Variants in DEK observed in about 807,000 individuals in gnomAD.
DEK encodes the protein protein DEK.
A neutral mutation model predicts 46.8 loss-of-function variants in DEK; 28 were observed. The ratio of observed to expected loss-of-function variants is 0.60; its 90% confidence interval spans 0.44 to 0.82. The LOEUF (loss-of-function observed/expected upper bound fraction) is 0.82, where lower values mean the gene tolerates loss of function less well. Ranked by LOEUF, DEK falls within the 40% of genes least tolerant of loss-of-function variation. DEK has a pLI of 0.00. For missense variants in DEK, 416 were observed against 430.6 expected (o/e 0.97, Z 0.30); for synonymous variants, 160 against 144.5 (o/e 1.11, Z -0.77).
chr6:18,225,131 T>TA lies in DEK; in HGVS notation c.*587dup. 4.6e-6 allele frequency: 1 copy of TA among 217,830 alleles called. No homozygotes were observed. The highest frequency in any genetic ancestry group is 9.2e-6 in the Non-Finnish European group (1 of 108,212). The allele number at this position is 217,830 out of a possible 1,614,324, so 13.5% of individuals were successfully genotyped here. On this transcript the variant is annotated 3_prime_UTR_variant, in exon 11 of 11. Transcript: ENST00000652689. ...ACTTTATATACAACCAATTGTTTTTTAAAAATACAAAAATAACATCTGTCA... is the reference window on the plus strand; with the variant it reads ...ACTTTATATACAACCAATTGTTTTTTAAAAAATACAAAAATAACATCTGTCA...
rs778671273 is a variant in DEK at position 18,249,772 on chromosome 6, G to A, written c.641C>T (p.Ala214Val). The A allele has an allele frequency of 6.2e-7, 1 of 1,613,408 alleles. No individual in the cohort carries two copies. Among genetic ancestry groups the A allele is most frequent in the Admixed American group, 1.7e-5 (1 of 59,920 alleles). Residue 214 changes from alanine (A) to valine (V), a missense_variant, in exon 7 of 11, where the codon GCA becomes GTA. Physicochemically the swap from Ala to Val is moderately conservative, Grantham distance 64. Transcript: ENST00000652689. Reference sequence around the variant, plus strand: ...ACATTTGGTTCGCTTAGCCTTCCTTGCCATTCCAGAACTGTTCCGTTCCTT... The same window carrying A: ...ACATTTGGTTCGCTTAGCCTTCCTTACCATTCCAGAACTGTTCCGTTCCTT... ...SKKERNSSGMARKAKRTKCPE... is the reference protein window; with the variant it reads ...SKKERNSSGMVRKAKRTKCPE...
At chr6:18,252,549 G>C (rs1474458399) in intron 6 of DEK, among the ~76,000 whole-genome samples, 2 of 143,502 alleles carry the variant, frequency 1.4e-5, no homozygotes, top group Non-Finnish European at 3.0e-5. Flanking sequence ...AATAGCCTGA[G>C]CTCGATACTA....
chr6:18,243,069 G>C (rs1441244133), intron 7 of DEK, among the ~76,000 whole-genome samples: 1 of 152,094 alleles, frequency 6.6e-6, no homozygotes, highest in Non-Finnish European at 1.5e-5. Context: ...CATACACTGG[G>C]GGTCTTGAAA....
chr6:18,227,258 T>C (rs1434123502), intron 9 of DEK, among the ~76,000 whole-genome samples: 1 of 152,034 alleles, frequency 6.6e-6, no homozygotes, highest in Non-Finnish European at 1.5e-5. Context: ...CCCTGGGCAA[T>C]GGAATGTCTC....
Position 18,258,009 on chromosome 6 carries a change from TCTTA to T in DEK, c.297_300del (p.Ser99ArgfsTer24). The T allele has an allele frequency of 1.2e-6, 2 of 1,606,904 alleles. No homozygotes were observed. Among genetic ancestry groups the T allele is most frequent in the Non-Finnish European group, 1.7e-6 (2 of 1,176,856 alleles). On this transcript the variant is annotated frameshift_variant, in exon 4 of 11. Transcript: ENST00000652689. LOFTEE classifies it high-confidence loss of function. ...AGATTTCTAAGTTCATCGGTTTTCT[TCTTA>T]CTTAGAAAAAAATGTATCCTCTCAA... is the stretch of plus-strand genomic sequence containing the variant.
intron 7 of DEK, among the ~76,000 whole-genome samples, chr6:18,249,376 C>A (rs1791264592): frequency 6.6e-6 from 1 of 152,170 alleles, no homozygotes; most frequent in Non-Finnish European, 1.5e-5. Context: ...TTCCGCTTCC[C>A]TTCCCATTTA....
At chr6:18,254,336 AACAGTAAC>A in intron 6 of DEK, among the ~76,000 whole-genome samples, 1 of 151,362 alleles carries the variant, frequency 6.6e-6, no homozygotes, top group South Asian at 2.1e-4. Flanking sequence ...GTCTCAAAAC[AACAGTAAC>A]AACAACAGTA....
rs113981105 is a variant in DEK, at chr6:18,236,983, C to A, written c.899-383G>T. ...GGTCCAAGCCTGTAAACCCAGTGCT[C>A]TGGGGGGCCAAGATAGGAGACTCGC... On this transcript the variant is annotated intron_variant, in intron 8 of 10. Transcript: ENST00000652689. 1.0e-3 allele frequency: 196 copies of A among 190,392 alleles called. 1 individual carries two copies. The highest frequency in any genetic ancestry group is 4.3e-3 in the African/African-American group (183 of 42,618). The allele number at this position is 190,392 out of a possible 1,614,324, so 11.8% of individuals were successfully genotyped here.
chr6:18,258,152 AT>A, intron 3 of DEK, 90 bp from the exon 4 acceptor site: 1 of 1,111,862 alleles, frequency 9.0e-7, no homozygotes, highest in Non-Finnish European at 1.3e-6. Flanking sequence ...TCACAGCATA[AT>A]TTACATGTAA....
At chr6:18,231,500 TCAAA>T (rs1443464821) in intron 9 of DEK, among the ~76,000 whole-genome samples, 3 of 149,976 alleles carry the variant, frequency 2.0e-5, no homozygotes, top group Non-Finnish European at 4.4e-5. Context: ...GAGAGAAGAA[TCAAA>T]CAGACGAAAT....
intron 9 of DEK, among the ~76,000 whole-genome samples, chr6:18,227,644 G>A (rs536537345): frequency 3.9e-5 from 6 of 151,984 alleles, no homozygotes; most frequent in Admixed American, 6.5e-5. Context: ...TAAGTCTCTC[G>A]TTTCACCTAA....
chr6:18,254,350 C>CA (rs1791515306), intron 6 of DEK, among the ~76,000 whole-genome samples: 2 of 152,018 alleles, frequency 1.3e-5, no homozygotes, highest in African/African-American at 2.4e-5. Flanking sequence ...GTAACAACAA[C>CA]AGTAACAACA....
intron 7 of DEK, among the ~76,000 whole-genome samples, chr6:18,239,996 A>G (rs1413793666): frequency 6.6e-6 from 1 of 152,178 alleles, no homozygotes; most frequent in Non-Finnish European, 1.5e-5. Flanking sequence ...TTGAAGGTTG[A>G]GCAAAAGAAA....
rs1430025044 is a variant in DEK, at chr6:18,258,352, T to C, written c.199A>G (p.Thr67Ala). The C allele has an allele frequency of 6.2e-7, 1 of 1,613,596 alleles. No individual in the cohort carries two copies. The highest frequency in any genetic ancestry group is 1.7e-5 in the Admixed American group (1 of 59,986). The change falls in exon 3 of 11, where the codon ACA (threonine) becomes GCA (alanine). Residue 67 changes from threonine (T) to alanine (A), a missense_variant. By Grantham distance (58) the Thr-to-Ala change is moderately conservative. Transcript: ENST00000652689. The stretch of plus-strand genomic sequence containing the variant: ...CTCTGTAAGGAAGAGACTTGCATTG[T>C]CAACCTCTCTACTTTTTTCTTTTCC... ...KREKKKVERLTMQVSSLQREP... is the reference protein window; with the variant it reads ...KREKKKVERLAMQVSSLQREP...
intron 2 of DEK, among the ~76,000 whole-genome samples, chr6:18,261,208 T>C (rs77526641): frequency 0.034 from 5,246 of 152,182 alleles, 265 homozygotes; most frequent in African/African-American, 0.11. Flanking sequence ...ACCAGCGTGC[T>C]CTGGATGCCA....
At chr6:18,244,307 ATAAAAATG>A (rs1791016525) in intron 7 of DEK, among the ~76,000 whole-genome samples, 2 of 152,230 alleles carry the variant, frequency 1.3e-5, no homozygotes, top group African/African-American at 4.8e-5. Flanking sequence ...AGGGGAACAA[ATAAAAATG>A]AACAGCTGCC....
intron 6 of DEK, among the ~76,000 whole-genome samples, chr6:18,250,162 A>C (rs1199511356): frequency 1.3e-5 from 2 of 152,194 alleles, no homozygotes; most frequent in African/African-American, 4.8e-5. Flanking sequence ...ATAATATTTT[A>C]AGTTAGATTT....
chr6:18,243,125 T>TA (rs1325933854), intron 7 of DEK, among the ~76,000 whole-genome samples: 1 of 152,104 alleles, frequency 6.6e-6, no homozygotes, highest in Admixed American at 6.5e-5. Context: ...GAGAAAGCAC[T>TA]AAAAAAGGTT....
intron 6 of DEK, 86 bp downstream of exon 6, chr6:18,255,645 A>G (rs1232167394): frequency 6.9e-7 from 1 of 1,450,280 alleles, no homozygotes; most frequent in Non-Finnish European, 9.2e-7. Context: ...GAATACTGAC[A>G]GCAATGCTGT....
Sources: allele counts gnomAD v4.1 joint callset (sites outside exome capture counted in the v4.1 genomes callset), GRCh38; gene constraint gnomAD v4.1.1; transcripts MANE v1.5; gene names NCBI Gene and HGNC (gene_info 2026-07-23, HGNC 2026-07-21).